Variants in IL20RA observed in about 807,000 individuals in gnomAD.
IL20RA encodes the protein interleukin 20 receptor subunit alpha.
In IL20RA, 29 loss-of-function variants were observed where a neutral mutation model predicts 36.5. The ratio of observed to expected loss-of-function variants is 0.79; its 90% CI spans 0.59 to 1.08. The LOEUF (loss-of-function observed/expected upper bound fraction) is 1.08. IL20RA is among the 50% of genes least tolerant of loss of function. The probability of loss-of-function intolerance (pLI) is 0.00; values close to 1 mark genes in which losing one functional copy is unlikely to be tolerated. For synonymous variants in IL20RA, 279 were observed against 267.1 expected, an observed-to-expected ratio of 1.04 and a Z score of -0.43; for missense variants, 652 against 668.4, an observed-to-expected ratio of 0.98 and a Z score of 0.27.
At position 137,034,805 on chromosome 6, in the gene IL20RA, C is replaced by A. The variant is rs980449908; in HGVS notation, c.88+9836G>T. On this transcript the variant is annotated intron_variant, in intron 1 of 6. Transcript: ENST00000316649. ...AATATAAAAAAAAAAATGAGCCGGG[C>A]GTGGTGGCGGGCGCCTGTAGTCCTA... Among the ~76,000 whole-genome samples, 5 of 151,998 alleles carry A rather than the reference C, an allele frequency of 3.3e-5. No homozygotes were observed. In the East Asian group the frequency reaches 7.7e-4, roughly 24 times the overall value.
intron 1 of IL20RA, among the ~76,000 whole-genome samples, chr6:137,037,658 T>C (rs1376390832): frequency 6.6e-6 from 1 of 152,174 alleles, no homozygotes; most frequent in Non-Finnish European, 1.5e-5. Context: ...TAGAATGTTG[T>C]AGACCAGCAG....
chr6:137,038,948 A>G (rs995459594), intron 1 of IL20RA, among the ~76,000 whole-genome samples: 3 of 152,262 alleles, frequency 2.0e-5, no homozygotes, highest in Admixed American at 6.5e-5. Context: ...AAAAAATTAT[A>G]AAAACAGCAA....
In IL20RA at chr6:137,011,308, C is replaced by A. The variant is rs1775486266; in HGVS notation, c.369G>T (p.Trp123Cys). 6.2e-7 allele frequency: 1 copy of A among 1,612,274 alleles called. No individual in the cohort carries two copies. Among genetic ancestry groups the A allele is most frequent in the South Asian group, 1.1e-5 (1 of 90,866 alleles). Reference protein sequence around the residue: ...KAIWGTKCSKWAESGRFYPFL... With the variant: ...KAIWGTKCSKCAESGRFYPFL... ...AAGGATAGAACCGTCCACTTTCAGC[C>A]CATTTGGAACACTTTGTTCCCCAAA... Residue 123 changes from tryptophan (W) to cysteine (C), a missense_variant, in exon 3 of 7, where the codon TGG becomes TGT. Physicochemically the swap from Trp to Cys is radical, Grantham distance 215. Transcript: ENST00000316649.
rs116110349 is a variant in IL20RA at position 137,027,604 on chromosome 6, C to G, written c.89-10501G>C. On this transcript the variant is annotated intron_variant, in intron 1 of 6. Coordinates refer to ENST00000316649, the MANE Select transcript of IL20RA (RefSeq NM_014432.4). ...CAATTTCCCCATTTGGAAAATGGAA[C>G]AGTACTATCTGCCTCTTAGGCTTGT... 5.2e-3 allele frequency among the ~76,000 whole-genome samples: 797 copies of G among 152,348 alleles called. 6 individuals are homozygous for G. Among genetic ancestry groups the G allele is most frequent in the African/African-American group, 0.018 (743 of 41,582 alleles).
intron 1 of IL20RA, among the ~76,000 whole-genome samples, chr6:137,018,229 G>A (rs1459408936): frequency 6.6e-6 from 1 of 152,136 alleles, no homozygotes; most frequent in Non-Finnish European, 1.5e-5. Flanking sequence ...TCAGAGAAAG[G>A]AATTATGTGT....
At chr6:137,008,336 C>T (rs976920340) in intron 5 of IL20RA, among the ~76,000 whole-genome samples, 3 of 152,044 alleles carry the variant, frequency 2.0e-5, no homozygotes, top group Non-Finnish European at 2.9e-5. Context: ...GGCAGGTGGC[C>T]GAAGGACCAT....
At position 137,042,063 on chromosome 6, in the gene IL20RA, C is replaced by T. The variant is rs534671380; in HGVS notation, c.88+2578G>A. Reference sequence around the variant, plus strand: ...CTAGGGAAGACCTTCTTGAGGGAAGCACATTGGCAGGAGAGGCCAAAGTCT... The same window carrying T: ...CTAGGGAAGACCTTCTTGAGGGAAGTACATTGGCAGGAGAGGCCAAAGTCT... On this transcript the variant is annotated intron_variant, in intron 1 of 6. Transcript: ENST00000316649. Among the ~76,000 whole-genome samples the T allele has an allele frequency of 7.9e-5, 12 of 152,216 alleles. No individual in the cohort carries two copies. In the South Asian group the frequency reaches 2.5e-3, roughly 32 times the overall value.
At chr6:137,022,766 T>A (rs1775947938) in intron 1 of IL20RA, among the ~76,000 whole-genome samples, 1 of 152,214 alleles carries the variant, frequency 6.6e-6, no homozygotes, top group Admixed American at 6.5e-5. Flanking sequence ...ATAACAGATA[T>A]CCTTATAAGA....
At chr6:137,015,897 T>A (rs926941790) in intron 2 of IL20RA, among the ~76,000 whole-genome samples, 2 of 152,182 alleles carry the variant, frequency 1.3e-5, no homozygotes, top group African/African-American at 4.8e-5. Flanking sequence ...GCTCATGCGA[T>A]CCAGAAGTCT....
intron 2 of IL20RA, among the ~76,000 whole-genome samples, chr6:137,013,237 A>T (rs532368012): frequency 6.6e-6 from 1 of 152,276 alleles, no homozygotes; most frequent in South Asian, 2.1e-4. Flanking sequence ...GACTATTGCC[A>T]TTGCCTATGT....
chr6:137,006,208 A>G (rs1387525781), intron 5 of IL20RA, among the ~76,000 whole-genome samples: 1 of 152,222 alleles, frequency 6.6e-6, no homozygotes, highest in Non-Finnish European at 1.5e-5. Context: ...TTGAAAGCGA[A>G]ACAGATGTGT....
chr6:137,015,206 G>A (rs1057033210), intron 2 of IL20RA, among the ~76,000 whole-genome samples: 6 of 152,040 alleles, frequency 3.9e-5, no homozygotes, highest in Non-Finnish European at 2.9e-5. Context: ...ATGATACACA[G>A]TTCCAAACAG....
At chr6:137,002,429 A>G (rs960869229) in intron 6 of IL20RA, 74 bp from the exon 7 acceptor site, 5 of 953,046 alleles carry the variant, frequency 5.2e-6, no homozygotes, top group Admixed American at 5.4e-5. Flanking sequence ...TAGGTAGAAT[A>G]TCTTGTCACC....
At chr6:137,029,208 T>G (rs1228577391) in intron 1 of IL20RA, among the ~76,000 whole-genome samples, 1 of 152,216 alleles carries the variant, frequency 6.6e-6, no homozygotes, top group Non-Finnish European at 1.5e-5. Context: ...CCTTACCTTT[T>G]AGAAAATAAA....
At chr6:137,041,131 T>C (rs1181931375) in intron 1 of IL20RA, among the ~76,000 whole-genome samples, 1 of 152,220 alleles carries the variant, frequency 6.6e-6, no homozygotes, top group Non-Finnish European at 1.5e-5. Flanking sequence ...AACTGAGGGA[T>C]ATTCTAAGGA....
At chr6:137,011,710 T>C (rs1209619376) in intron 2 of IL20RA, among the ~76,000 whole-genome samples, 1 of 152,238 alleles carries the variant, frequency 6.6e-6, no homozygotes, top group Non-Finnish European at 1.5e-5. Context: ...TGGAAGCATA[T>C]ATTTTACTGT....
intron 1 of IL20RA, among the ~76,000 whole-genome samples, chr6:137,029,960 A>C (rs890524554): frequency 6.6e-6 from 1 of 152,008 alleles, no homozygotes; most frequent in Non-Finnish European, 1.5e-5. Context: ...ATGAGGCAGA[A>C]ATGATTAAAT....
chr6:137,029,785 A>G lies in IL20RA; in HGVS notation c.89-12682T>C, dbSNP rs144854393. 5.3e-5 allele frequency among the ~76,000 whole-genome samples: 8 copies of G among 152,310 alleles called. No homozygotes were observed. The East Asian group carries it at 1.5e-3, about 29-fold the overall frequency. On this transcript the variant is annotated intron_variant, in intron 1 of 6. Transcript: ENST00000316649. ...AGTTCAACCAGTAACTATTTCTTAA[A>G]TATCAACACTTTATTCCTCAAATCA...
chr6:137,015,927 G>A (rs1166422472), intron 2 of IL20RA, among the ~76,000 whole-genome samples: 1 of 152,172 alleles, frequency 6.6e-6, no homozygotes, highest in African/African-American at 2.4e-5. Context: ...AAAGTGCTGA[G>A]ATTACAGGTG....
Sources: gnomAD v4.1 joint callset for allele counts (sites outside exome capture counted in the v4.1 genomes callset) on GRCh38, gnomAD v4.1.1 for gene constraint, MANE v1.5 for transcripts, NCBI Gene and HGNC (gene_info 2026-07-23, HGNC 2026-07-21) for gene names.